Variants in TNIP3 observed in about 807,000 individuals in gnomAD.
The protein encoded by TNIP3 is TNFAIP3 interacting protein 3.
A neutral mutation model predicts 54.1 loss-of-function variants in TNIP3; 34 were observed. The ratio of observed to expected loss-of-function variants is 0.63; its 90% CI spans 0.48 to 0.84. TNIP3 has a LOEUF of 0.84. TNIP3 is among the 40% of genes least tolerant of loss of function. The pLI is 0.00. For synonymous variants in TNIP3, 134 were observed against 136.8 expected, an observed-to-expected ratio of 0.98 and a Z score of 0.14; for missense variants, 366 against 387.6, an observed-to-expected ratio of 0.94 and a Z score of 0.47.
At chr4:121,148,332 A>G in intron 6 of TNIP3, among the ~76,000 whole-genome samples, 1 of 152,234 alleles carries the variant, frequency 6.6e-6, no homozygotes, top group African/African-American at 2.4e-5. Context: ...GAGGCACTGC[A>G]AAACTACGGA....
chr4:121,134,435 A>G (rs1728660230), intron 10 of TNIP3, among the ~76,000 whole-genome samples: 1 of 152,172 alleles, frequency 6.6e-6, no homozygotes, highest in Admixed American at 6.5e-5. Flanking sequence ...CTGATAACAG[A>G]TGAAACAAGA....
chr4:121,212,047 T>C (rs1389636732), intron 2 of TNIP3, among the ~76,000 whole-genome samples: 2 of 152,240 alleles, frequency 1.3e-5, no homozygotes, highest in Admixed American at 1.3e-4. Context: ...TCTAATTTGG[T>C]ATTCTTTTCA....
chr4:121,203,066 C>T (rs1433435095), intron 2 of TNIP3, among the ~76,000 whole-genome samples: 1 of 152,036 alleles, frequency 6.6e-6, no homozygotes, highest in African/African-American at 2.4e-5. Flanking sequence ...TCCAGGAATC[C>T]TACTAATGGA....
intron 2 of TNIP3, among the ~76,000 whole-genome samples, chr4:121,215,912 C>T (rs888769153): frequency 1.3e-5 from 2 of 148,550 alleles, no homozygotes; most frequent in South Asian, 2.1e-4. Flanking sequence ...ACTGAACCAA[C>T]GAATAGAAGG....
upstream of TNIP3, among the ~76,000 whole-genome samples, chr4:121,221,463 T>A (rs1399446222): frequency 6.6e-6 from 1 of 152,196 alleles, no homozygotes. Context: ...TTCAGATAAT[T>A]TCTATGCAAA....
chr4:121,185,132 C>T (rs979681121), intron 2 of TNIP3, among the ~76,000 whole-genome samples: 6 of 152,216 alleles, frequency 3.9e-5, no homozygotes, highest in African/African-American at 1.2e-4. Flanking sequence ...AGATAAAACT[C>T]ATCACGATCT....
chr4:121,217,864 A>G (rs1418839683), upstream of TNIP3, among the ~76,000 whole-genome samples: 1 of 152,218 alleles, frequency 6.6e-6, no homozygotes, highest in Non-Finnish European at 1.5e-5. Flanking sequence ...GAAATTACAC[A>G]TGGAGTCCTG....
At chr4:121,208,416 C>T (rs1439517874) in intron 2 of TNIP3, among the ~76,000 whole-genome samples, 4 of 152,132 alleles carry the variant, frequency 2.6e-5, no homozygotes, top group Non-Finnish European at 5.9e-5. Context: ...CTTGTGGCCC[C>T]CACCCAGGAA....
chr4:121,210,759 T>G (rs781089363), intron 2 of TNIP3, among the ~76,000 whole-genome samples: 12 of 152,124 alleles, frequency 7.9e-5, no homozygotes, highest in Admixed American at 2.0e-4. Context: ...CTAATCCTAT[T>G]GTACCAGAGC....
chr4:121,188,997 T>C (rs2148831259), intron 2 of TNIP3, among the ~76,000 whole-genome samples: 1 of 152,312 alleles, frequency 6.6e-6, no homozygotes, highest in South Asian at 2.1e-4. Context: ...ATGGTACGGT[T>C]GCCTCATTAG....
intron 2 of TNIP3, among the ~76,000 whole-genome samples, chr4:121,215,324 G>T (rs1726725928): frequency 6.6e-6 from 1 of 152,136 alleles, no homozygotes; most frequent in Non-Finnish European, 1.5e-5. Flanking sequence ...TTGAGAACTT[G>T]ATCATTATTA....
chr4:121,142,623 G>GT, intron 8 of TNIP3, 103 bp downstream of exon 8: 1 of 1,047,192 alleles, frequency 9.5e-7, no homozygotes, highest in Non-Finnish European at 1.5e-6. Context: ...AGCATGGGTT[G>GT]TTGTAGGTCA....
chr4:121,198,821 C>A (rs1025310927), intron 2 of TNIP3, among the ~76,000 whole-genome samples: 1 of 152,126 alleles, frequency 6.6e-6, no homozygotes, highest in Non-Finnish European at 1.5e-5. Context: ...GTTATGAGAA[C>A]AAGCTGTTCT....
chr4:121,138,085 A>G (rs1194077756), intron 10 of TNIP3: 7 of 419,676 alleles, frequency 1.7e-5, no homozygotes, highest in African/African-American at 1.4e-4. Flanking sequence ...AGTTGTGAGT[A>G]CTTCATAAGT....
chr4:121,222,848 C>T (rs1727092733), intron 1 of TNIP3, among the ~76,000 whole-genome samples: 1 of 143,534 alleles, frequency 7.0e-6, no homozygotes, highest in South Asian at 2.4e-4. Flanking sequence ...CTCTGTCACC[C>T]AGGCTAGAGT....
chr4:121,196,416 T>A (rs1471782125), intron 2 of TNIP3, among the ~76,000 whole-genome samples: 1 of 152,148 alleles, frequency 6.6e-6, no homozygotes, highest in African/African-American at 2.4e-5. Flanking sequence ...AGAAAATAAA[T>A]CGACGAATAT....
chr4:121,162,957 G>A (rs998327), intron 1 of TNIP3, among the ~76,000 whole-genome samples: 35,829 of 152,050 alleles, frequency 0.24, 4,402 homozygotes, highest in Middle Eastern at 0.29. Flanking sequence ...GGAACAATGA[G>A]ACAGTGTGCT....
chr4:121,135,628 G>A (rs192523003), intron 10 of TNIP3, among the ~76,000 whole-genome samples: 31 of 152,154 alleles, frequency 2.0e-4, no homozygotes, highest in African/African-American at 9.6e-5. Context: ...TGAACTCCTA[G>A]GCTCAAGCAA....
chr4:121,164,159 A>T lies in TNIP3; in HGVS notation c.-34T>A. On this transcript the variant is annotated 5_prime_UTR_variant, in exon 1 of 11. Transcript: ENST00000057513. Reference sequence around the variant, plus strand: ...TTTTTCCTGGAGTCTTGGAAAGCAGAAAGAAAAACAGGGGAAAAGTCTCTT... The same window carrying T: ...TTTTTCCTGGAGTCTTGGAAAGCAGTAAGAAAAACAGGGGAAAAGTCTCTT... 6.2e-7 allele frequency: 1 copy of T among 1,613,460 alleles called. No individual in the cohort carries two copies. The highest frequency in any genetic ancestry group is 8.5e-7 in the Non-Finnish European group (1 of 1,179,624).
Sources: gnomAD v4.1 joint callset for allele counts (sites outside exome capture counted in the v4.1 genomes callset) on GRCh38, gnomAD v4.1.1 for gene constraint, MANE v1.5 for transcripts, NCBI Gene and HGNC (gene_info 2026-07-23, HGNC 2026-07-21) for gene names.